Variants in RASA2 observed in about 807,000 individuals in gnomAD.
RASA2 encodes the protein RAS p21 protein activator 2.
RASA2 carries 155 observed loss-of-function variants against 118.2 expected under a neutral mutation model. The observed-to-expected ratio is 1.31, with a 90% CI of 1.15 to 1.50. The LOEUF is 1.50. Among genes scored for constraint, RASA2 ranks in the 40% most tolerant of loss-of-function variants. The pLI, the probability that RASA2 is intolerant of heterozygous loss-of-function variation, is 0.00. For missense variants in RASA2, 1,016 were observed against 1,009.6 expected (o/e 1.01, Z -0.09); for synonymous variants, 353 against 349.1 (o/e 1.01, Z -0.12).
rs2083690103 is a variant in RASA2 at position 141,613,993 on chromosome 3, C to G, written c.*1680C>G. The G allele has an allele frequency of 6.6e-6, 1 of 152,108 alleles. No individual in the cohort carries two copies. Among genetic ancestry groups the G allele is most frequent in the Non-Finnish European group, 1.5e-5 (1 of 68,010 alleles). 9.4% of individuals were successfully genotyped at this position (152,108 alleles called of 1,614,324 possible). A position where few individuals can be genotyped will look rare whatever the true frequency, so the allele number is the denominator to read the frequency against. ...GATTTATACATTTGAAAGAATTTAG[C>G]CATTTAATAAATTTCTTATTCTCAA... On this transcript the variant is annotated 3_prime_UTR_variant, in exon 24 of 24. Transcript: ENST00000286364.
chr3:141,610,399 ATATATTATATATTTATAT>A (rs2107804157), intron 23 of RASA2, among the ~76,000 whole-genome samples: 1 of 105,506 alleles, frequency 9.5e-6, no homozygotes, highest in African/African-American at 3.7e-5. Flanking sequence ...ATTTATATTT[ATATATTATATATTTATAT>A]TTATATATTA....
chr3:141,540,694 C>A, intron 5 of RASA2, 85 bp downstream of exon 5: 1 of 1,153,032 alleles, frequency 8.7e-7, no homozygotes, highest in Non-Finnish European at 1.2e-6. Context: ...CTTGTTTTAA[C>A]TTCAGAAACT....
chr3:141,595,691 C>G (rs1420133167), intron 19 of RASA2, among the ~76,000 whole-genome samples: 5 of 151,614 alleles, frequency 3.3e-5, no homozygotes, highest in Non-Finnish European at 5.9e-5. Flanking sequence ...CTGGAGTGCA[C>G]AGACATAGCT....
At position 141,487,063 on chromosome 3, in the gene RASA2, C is replaced by A. The variant is rs760033576; in HGVS notation, c.-21C>A. The A allele has an allele frequency of 1.6e-6, 2 of 1,247,234 alleles. No individual in the cohort carries two copies. Among genetic ancestry groups the A allele is most frequent in the Non-Finnish European group, 2.0e-6 (2 of 989,890 alleles). 77.3% of individuals were successfully genotyped at this position (1,247,234 alleles called of 1,614,324 possible). A position where few individuals can be genotyped will look rare whatever the true frequency, so the allele number is the denominator to read the frequency against. On this transcript the variant is annotated 5_prime_UTR_variant, in exon 1 of 24. Transcript: ENST00000286364. The stretch of plus-strand genomic sequence containing the variant: ...CCCGGCTACGCAGGCGGCAGGGCTG[C>A]GGCACGGGCCGGGCGGCACCATGGC...
At chr3:141,541,239 T>G (rs74748660) in intron 5 of RASA2, among the ~76,000 whole-genome samples, 3,040 of 152,222 alleles carry the variant, frequency 0.02, 109 homozygotes, top group African/African-American at 0.071. Context: ...GTACAGCAGT[T>G]TCACAGCCTT....
chr3:141,580,093 T>A lies in RASA2; in HGVS notation c.1591-275T>A, dbSNP rs1236438146. Among the ~76,000 whole-genome samples, 353 of 105,744 alleles carry A rather than the reference T, an allele frequency of 3.3e-3. 3 individuals are homozygous for A. The highest frequency in any genetic ancestry group is 9.2e-3 in the African/African-American group (235 of 25,552). The allele number at this position is 105,744 out of a possible 152,430, so 69.4% of individuals were successfully genotyped here. ...AGAAAAAAAAAAAAAAAAATATATA[T>A]ATATATATATATATATATATATATG... is the stretch of plus-strand genomic sequence containing the variant. On this transcript the variant is annotated intron_variant, in intron 15 of 23. Transcript: ENST00000286364.
In RASA2 at chr3:141,613,969, AT is replaced by A. The variant is rs1486158027; in HGVS notation, c.*1659del. Reference sequence around the variant, plus strand: ...CTTGTAGATTCCATAAACTACACTGATTTATACATTTGAAAGAATTTAGCCA... The same window carrying A: ...CTTGTAGATTCCATAAACTACACTGATTATACATTTGAAAGAATTTAGCCA... On this transcript the variant is annotated 3_prime_UTR_variant, in exon 24 of 24. Transcript: ENST00000286364. The A allele has an allele frequency of 6.6e-6, 1 of 152,182 alleles. No homozygotes were observed. The highest frequency in any genetic ancestry group is 1.5e-5 in the Non-Finnish European group (1 of 68,020). 9.4% of individuals were successfully genotyped at this position (152,182 alleles called of 1,614,324 possible). A position where few individuals can be genotyped will look rare whatever the true frequency, so the allele number is the denominator to read the frequency against.
intron 1 of RASA2, among the ~76,000 whole-genome samples, chr3:141,495,413 C>T (rs2081688141): frequency 6.6e-6 from 1 of 151,974 alleles, no homozygotes; most frequent in Non-Finnish European, 1.5e-5. Context: ...GACTTAAAAA[C>T]AAGAGGCCAT....
At chr3:141,533,310 A>G (rs550784142) in intron 4 of RASA2, among the ~76,000 whole-genome samples, 57 of 152,296 alleles carry the variant, frequency 3.7e-4, no homozygotes, top group Admixed American at 3.7e-3. Flanking sequence ...TCCCTAAGGA[A>G]GGGGTTTGAG....
At chr3:141,559,117 A>G (rs2082691722) in intron 8 of RASA2, among the ~76,000 whole-genome samples, 155 bp downstream of exon 8, 1 of 152,170 alleles carries the variant, frequency 6.6e-6, no homozygotes, top group African/African-American at 2.4e-5. Context: ...AATCCAGATT[A>G]TCTTTCCAAA....
intron 7 of RASA2, among the ~76,000 whole-genome samples, 170 bp downstream of exon 7, chr3:141,556,082 A>G (rs867264470): frequency 1.8e-4 from 27 of 152,248 alleles, no homozygotes; most frequent in African/African-American, 6.5e-4. Context: ...TGCCCAATAT[A>G]TAAAATGAAT....
chr3:141,523,867 T>C (rs967268698), intron 3 of RASA2, among the ~76,000 whole-genome samples: 1 of 152,244 alleles, frequency 6.6e-6, no homozygotes, highest in Non-Finnish European at 1.5e-5. Flanking sequence ...TTGAGTCATT[T>C]TCTTAGGCCT....
intron 5 of RASA2, among the ~76,000 whole-genome samples, chr3:141,541,206 T>C (rs948804206): frequency 6.6e-6 from 1 of 152,178 alleles, no homozygotes; most frequent in African/African-American, 2.4e-5. Flanking sequence ...TTTGCATTAG[T>C]TGACATCTGA....
chr3:141,582,209 T>C (rs1172264031), intron 17 of RASA2, among the ~76,000 whole-genome samples: 2 of 152,218 alleles, frequency 1.3e-5, no homozygotes, highest in Non-Finnish European at 2.9e-5. Flanking sequence ...TACTTAGGAT[T>C]CTTACAGAGA....
In RASA2 at chr3:141,555,551, G is replaced by A. The variant is rs188163065; in HGVS notation, c.612-289G>A. Among the ~76,000 whole-genome samples, 219 of 151,138 alleles carry A rather than the reference G, an allele frequency of 1.4e-3. 2 individuals are homozygous for A. The South Asian group carries it at 0.018, about 13-fold the overall frequency. On this transcript the variant is annotated intron_variant, in intron 6 of 23. Transcript: ENST00000286364. ...GTCTTCCTTCTATTTATTCTGAGTT[G>A]CTTATAGAATAGAATGTGTTTTTAA...
intron 1 of RASA2, among the ~76,000 whole-genome samples, chr3:141,501,551 T>C (rs1272385569): frequency 6.6e-6 from 1 of 152,212 alleles, no homozygotes; most frequent in Non-Finnish European, 1.5e-5. Context: ...GACATACAGA[T>C]AGTTAAATGC....
At chr3:141,578,590 G>A (rs2083050534) in intron 15 of RASA2, 1 of 152,242 alleles carries the variant, frequency 6.6e-6, no homozygotes, top group South Asian at 2.1e-4. Context: ...TCTTGCCAAA[G>A]GATAAATGGT....
intron 21 of RASA2, 30 bp from the exon 22 acceptor site, chr3:141,609,390 A>G (rs774450955): frequency 7.4e-7 from 1 of 1,355,702 alleles, no homozygotes; most frequent in East Asian, 2.5e-5. Context: ...AAATTTGTAT[A>G]ATATCTTTAT....
intron 14 of RASA2, among the ~76,000 whole-genome samples, chr3:141,574,874 C>A (rs1216369959): frequency 2.6e-5 from 4 of 152,130 alleles, no homozygotes; most frequent in African/African-American, 9.7e-5. Flanking sequence ...ACATTAGAAA[C>A]CTTTCTGTTG....
Sources: allele counts gnomAD v4.1 joint callset (sites outside exome capture counted in the v4.1 genomes callset), GRCh38; gene constraint gnomAD v4.1.1; transcripts MANE v1.5; gene names NCBI Gene and HGNC (gene_info 2026-07-23, HGNC 2026-07-21).